Variants in DCC observed in about 807,000 individuals in gnomAD.
DCC encodes netrin receptor DCC.
Under a neutral mutation model 172.5 loss-of-function variants are expected in DCC, and 58 were observed. That is an observed-to-expected ratio of 0.34 (90% CI 0.27 to 0.42). The LOEUF (loss-of-function observed/expected upper bound fraction) is 0.42. DCC is among the 10% of genes least tolerant of loss of function. The pLI is 1.00. For synonymous variants in DCC, 709 were observed against 644.5 expected (o/e 1.10, Z -1.52); for missense variants, 1,740 against 1,791.0 (o/e 0.97, Z 0.51).
chr18:52,826,118 C>T (rs576680846), intron 2 of DCC, among the ~76,000 whole-genome samples: 103 of 152,154 alleles, frequency 6.8e-4, no homozygotes, highest in Middle Eastern at 3.2e-3. Flanking sequence ...ACTGAAGATG[C>T]TATTTTAAGC....
chr18:53,292,179 A>C (rs2144751839), intron 12 of DCC, among the ~76,000 whole-genome samples: 1 of 140,626 alleles, frequency 7.1e-6, no homozygotes, highest in Middle Eastern at 3.7e-3. Flanking sequence ...TTTCTTAGTC[A>C]GTTTAGGAAT....
At chr18:52,656,397 C>T (rs756308813) in intron 1 of DCC, among the ~76,000 whole-genome samples, 11 of 152,008 alleles carry the variant, frequency 7.2e-5, no homozygotes, top group African/African-American at 1.7e-4. Flanking sequence ...ACATTCAATC[C>T]GCCACCACCT....
chr18:52,943,150 A>G (rs1037127643), intron 5 of DCC, among the ~76,000 whole-genome samples: 1 of 152,206 alleles, frequency 6.6e-6, no homozygotes, highest in South Asian at 2.1e-4. Flanking sequence ...CAGAAGATAG[A>G]AGCACTATTA....
At chr18:52,742,022 G>T (rs1247814209) in intron 1 of DCC, among the ~76,000 whole-genome samples, 2 of 152,180 alleles carry the variant, frequency 1.3e-5, no homozygotes, top group Admixed American at 1.3e-4. Context: ...AGACATCTGA[G>T]CTCTCTGTCT....
intron 2 of DCC, among the ~76,000 whole-genome samples, chr18:52,894,100 C>G (rs2039692595): frequency 6.6e-6 from 1 of 152,024 alleles, no homozygotes; most frequent in Non-Finnish European, 1.5e-5. Flanking sequence ...TGGTGAACTC[C>G]CATTCTTTAT....
At chr18:53,464,162 A>G (rs1444226586) in intron 24 of DCC, among the ~76,000 whole-genome samples, 1 of 152,216 alleles carries the variant, frequency 6.6e-6, no homozygotes. Flanking sequence ...GTTCAGGTCT[A>G]TTTGATCTCT....
chr18:53,364,845 C>T (rs959865151), intron 15 of DCC, among the ~76,000 whole-genome samples: 1 of 152,112 alleles, frequency 6.6e-6, no homozygotes, highest in South Asian at 2.1e-4. Flanking sequence ...TACATGTGCA[C>T]ATGTGCACAC....
At chr18:53,039,456 A>G (rs1028109134) in intron 5 of DCC, among the ~76,000 whole-genome samples, 1 of 152,078 alleles carries the variant, frequency 6.6e-6, no homozygotes, top group Non-Finnish European at 1.5e-5. Flanking sequence ...AGGAAGGTCT[A>G]TGTTGTACTT....
chr18:52,671,492 T>C (rs1426271453), intron 1 of DCC, among the ~76,000 whole-genome samples: 1 of 152,088 alleles, frequency 6.6e-6, no homozygotes, highest in Non-Finnish European at 1.5e-5. Flanking sequence ...CTTTTCTTTT[T>C]TCCCCGTCAC....
At chr18:52,528,933 C>T (rs1336878070) in intron 1 of DCC, among the ~76,000 whole-genome samples, 1 of 152,108 alleles carries the variant, frequency 6.6e-6, no homozygotes, top group Non-Finnish European at 1.5e-5. Flanking sequence ...ATGCCCAATA[C>T]TTATCAACTG....
intron 14 of DCC, among the ~76,000 whole-genome samples, chr18:53,339,179 G>T (rs781166004): frequency 5.9e-5 from 9 of 152,150 alleles, no homozygotes; most frequent in Non-Finnish European, 8.8e-5. Context: ...AATAATAAAT[G>T]CATTTTTCAC....
chr18:52,691,009 G>A (rs1458594931), intron 1 of DCC, among the ~76,000 whole-genome samples: 1 of 152,100 alleles, frequency 6.6e-6, no homozygotes, highest in Non-Finnish European at 1.5e-5. Context: ...ATTATTAATA[G>A]CAAAGTGCAT....
chr18:53,032,805 G>T (rs1406490598), intron 5 of DCC, among the ~76,000 whole-genome samples: 1 of 152,008 alleles, frequency 6.6e-6, no homozygotes, highest in Non-Finnish European at 1.5e-5. Context: ...TGACTGCTGG[G>T]GAAATTAGTT....
chr18:53,347,339 G>A (rs1177040714), intron 15 of DCC, among the ~76,000 whole-genome samples: 2 of 152,094 alleles, frequency 1.3e-5, no homozygotes, highest in Admixed American at 1.3e-4. Flanking sequence ...CATATAGTTG[G>A]GATTTTGGTT....
At chr18:53,081,165 T>C (rs114796057) in intron 7 of DCC, among the ~76,000 whole-genome samples, 2,444 of 152,080 alleles carry the variant, frequency 0.016, 57 homozygotes, top group African/African-American at 0.055. Context: ...AGATTAGAAC[T>C]GAGAAATAAA....
intron 2 of DCC, among the ~76,000 whole-genome samples, chr18:52,859,143 ATT>A (rs2039096469): frequency 6.6e-6 from 1 of 151,636 alleles, no homozygotes; most frequent in Non-Finnish European, 1.5e-5. Context: ...CAAAAAAAAA[ATT>A]AAAATTATAA....
chr18:53,423,853 AT>A (rs1910761782), intron 21 of DCC, among the ~76,000 whole-genome samples: 2 of 152,190 alleles, frequency 1.3e-5, no homozygotes, highest in Admixed American at 1.3e-4. Context: ...TGTTTGTTTA[AT>A]AGAATCATAA....
intron 13 of DCC, among the ~76,000 whole-genome samples, chr18:53,315,110 C>G (rs921590622): frequency 1.3e-5 from 2 of 152,182 alleles, no homozygotes; most frequent in Non-Finnish European, 2.9e-5. Context: ...CTATCCCTCC[C>G]CTAGCCCCCC....
intron 2 of DCC, among the ~76,000 whole-genome samples, chr18:52,847,909 C>T (rs558952784): frequency 1.3e-5 from 2 of 152,240 alleles, no homozygotes; most frequent in Non-Finnish European, 2.9e-5. Context: ...ATAGTAATCT[C>T]TGGTTTCTCC....
Sources: gnomAD v4.1 joint callset for allele counts (sites outside exome capture counted in the v4.1 genomes callset) on GRCh38, gnomAD v4.1.1 for gene constraint, MANE v1.5 for transcripts, NCBI Gene and HGNC (gene_info 2026-07-23, HGNC 2026-07-21) for gene names.